SEM1: variants seen among roughly 807,000 people sequenced by gnomAD.
SEM1 encodes 26S proteasome complex subunit SEM1.
A neutral mutation model predicts 12.7 loss-of-function variants in SEM1; 3 were observed. That is an observed-to-expected ratio of 0.24 (90% confidence interval 0.11 to 0.61). The LOEUF is 0.61. SEM1 is among the 20% of genes least tolerant of loss of function. The pLI, the probability that SEM1 is intolerant of heterozygous loss-of-function variation, is 0.88. For synonymous variants in SEM1, 30 were observed against 27.8 expected (o/e 1.08, Z -0.25); for missense variants, 59 against 81.3 (o/e 0.73, Z 1.06).
At chr7:96,525,745 C>G (rs1477924291) in intron 2 of SEM1, among the ~76,000 whole-genome samples, 1 of 152,160 alleles carries the variant, frequency 6.6e-6, no homozygotes, top group African/African-American at 2.4e-5. Flanking sequence ...TGCCTGAGCT[C>G]TACCTCCTGT....
intron 2 of SEM1, among the ~76,000 whole-genome samples, chr7:96,630,882 G>A (rs1917482): frequency 0.87 from 131,952 of 152,118 alleles, 58,143 homozygotes; most frequent in East Asian, 1. Flanking sequence ...CCTTCCTTTC[G>A]AGGCAGTGGG....
At chr7:96,594,736 G>A (rs1806941706) in intron 2 of SEM1, among the ~76,000 whole-genome samples, 1 of 152,044 alleles carries the variant, frequency 6.6e-6, no homozygotes, top group Non-Finnish European at 1.5e-5. Flanking sequence ...CTCCTGATTT[G>A]AATGTTTTCG....
intron 1 of SEM1, 117 bp downstream of exon 1, chr7:96,709,571 C>T: frequency 1.1e-6 from 1 of 924,490 alleles, no homozygotes; most frequent in Non-Finnish European, 1.7e-6. Flanking sequence ...GAGTGCCGGC[C>T]CTGGGAGTCC....
chr7:96,660,840 A>G (rs1788979907), intron 2 of SEM1, among the ~76,000 whole-genome samples: 2 of 152,146 alleles, frequency 1.3e-5, no homozygotes, highest in African/African-American at 4.8e-5. Flanking sequence ...TTTCGAACAA[A>G]TGGAATCTGA....
chr7:96,551,720 A>G (rs1416703836), intron 2 of SEM1, among the ~76,000 whole-genome samples: 2 of 89,834 alleles, frequency 2.2e-5, no homozygotes, highest in Admixed American at 2.2e-4. Flanking sequence ...AAAAAAAAAA[A>G]AAAGAAAAGA....
chr7:96,693,399 G>A (rs1242967423), intron 2 of SEM1, among the ~76,000 whole-genome samples: 2 of 151,908 alleles, frequency 1.3e-5, no homozygotes, highest in Admixed American at 6.6e-5. Flanking sequence ...ATGAGCTGAA[G>A]CCCTATTTCA....
chr7:96,585,189 A>T (rs568473436), intron 2 of SEM1, among the ~76,000 whole-genome samples: 171 of 152,272 alleles, frequency 1.1e-3, no homozygotes, highest in African/African-American at 4.1e-3. Context: ...CTTCTAACAG[A>T]CAGGACCCTC....
At chr7:96,517,171 C>T (rs565747254) in intron 2 of SEM1, among the ~76,000 whole-genome samples, 1 of 152,168 alleles carries the variant, frequency 6.6e-6, no homozygotes, top group Non-Finnish European at 1.5e-5. Flanking sequence ...TACATTTGTC[C>T]TAATGTGTAG....
intron 2 of SEM1, among the ~76,000 whole-genome samples, chr7:96,682,361 T>C (rs1047687614): frequency 3.9e-5 from 6 of 152,084 alleles, no homozygotes; most frequent in East Asian, 1.9e-4. Flanking sequence ...TCTCTTCCTA[T>C]GTGAATACCC....
intron 3 of SEM1, among the ~76,000 whole-genome samples, chr7:96,502,777 T>C (rs1803610755): frequency 6.6e-6 from 1 of 152,216 alleles, no homozygotes; most frequent in South Asian, 2.1e-4. Flanking sequence ...TCAACACATG[T>C]TTGAGTTCCT....
intron 2 of SEM1, among the ~76,000 whole-genome samples, chr7:96,693,146 T>G (rs970160543): frequency 4.6e-5 from 7 of 151,926 alleles, no homozygotes; most frequent in Admixed American, 4.6e-4. Flanking sequence ...CTATTAGAAA[T>G]CAAAGTTTAA....
chr7:96,553,378 G>C (rs1371010655), intron 2 of SEM1, among the ~76,000 whole-genome samples: 3 of 150,616 alleles, frequency 2.0e-5, no homozygotes, highest in Non-Finnish European at 4.4e-5. Context: ...TGTATAAGGT[G>C]TAAGGAAGGG....
chr7:96,512,685 C>CTGTAT (rs1336779212), intron 2 of SEM1, among the ~76,000 whole-genome samples: 1 of 152,030 alleles, frequency 6.6e-6, no homozygotes, highest in Non-Finnish European at 1.5e-5. Flanking sequence ...GCTCTAAACT[C>CTGTAT]CCACTATTAT....
intron 1 of SEM1, 79 bp downstream of exon 1, chr7:96,709,609 G>C: frequency 7.2e-7 from 1 of 1,391,452 alleles, no homozygotes; most frequent in South Asian, 1.2e-5. Flanking sequence ...CCCCAGCTGG[G>C]CCCGAGCACC....
chr7:96,706,870 T>A (rs943136444), intron 1 of SEM1, among the ~76,000 whole-genome samples: 3 of 152,190 alleles, frequency 2.0e-5, no homozygotes, highest in East Asian at 3.8e-4. Flanking sequence ...ACTGCAGAGA[T>A]GTTCATAGGC....
intron 2 of SEM1, among the ~76,000 whole-genome samples, chr7:96,583,693 T>C (rs1806500027): frequency 6.6e-6 from 1 of 150,704 alleles, no homozygotes; most frequent in Admixed American, 6.8e-5. Flanking sequence ...TGGTTAGCTC[T>C]TCTTGTTGAA....
chr7:96,548,920 G>A (rs964590951), intron 2 of SEM1, among the ~76,000 whole-genome samples: 3 of 152,156 alleles, frequency 2.0e-5, no homozygotes, highest in East Asian at 3.9e-4. Context: ...GCACATCAGT[G>A]CCTGGGGCAA....
chr7:96,613,615 T>C (rs1880513), intron 2 of SEM1, among the ~76,000 whole-genome samples: 4,307 of 152,328 alleles, frequency 0.028, 183 homozygotes, highest in African/African-American at 0.099. Context: ...ATAGTCACCA[T>C]GTTCTGCAAT....
chr7:96,491,550 T>G (rs1803009053), intron 1 of SEM1, among the ~76,000 whole-genome samples: 1 of 152,186 alleles, frequency 6.6e-6, no homozygotes, highest in African/African-American at 2.4e-5. Flanking sequence ...CAAGTGTATG[T>G]GACAGATGTT....
Sources: gnomAD v4.1 joint callset for allele counts (sites outside exome capture counted in the v4.1 genomes callset) on GRCh38, gnomAD v4.1.1 for gene constraint, MANE v1.5 for transcripts, NCBI Gene and HGNC (gene_info 2026-07-23, HGNC 2026-07-21) for gene names.